PCOLCE2: variants seen among roughly 807,000 people sequenced by gnomAD.
PCOLCE2 encodes procollagen C-endopeptidase enhancer 2.
Under a neutral mutation model 47.0 loss-of-function variants are expected in PCOLCE2, and 42 were observed. That is an observed-to-expected ratio of 0.89 (90% CI 0.70 to 1.16). The LOEUF (loss-of-function observed/expected upper bound fraction) is 1.16. Among genes scored for constraint, PCOLCE2 ranks in the 50% most tolerant of loss-of-function variants. The pLI is 0.00. For missense variants in PCOLCE2, 500 were observed against 526.1 expected, an observed-to-expected ratio of 0.95 and a Z score of 0.49; for synonymous variants, 169 against 191.7, an observed-to-expected ratio of 0.88 and a Z score of 0.98.
intron 2 of PCOLCE2, among the ~76,000 whole-genome samples, chr3:142,884,033 A>G (rs1933677369): frequency 6.6e-6 from 1 of 152,132 alleles, no homozygotes; most frequent in Middle Eastern, 3.2e-3. Flanking sequence ...ACCATGCTTC[A>G]TGGGCTCTTC....
rs1937006357 is a variant in PCOLCE2, at chr3:142,820,968, T to C, written c.1027A>G (p.Lys343Glu). 2 of 1,613,942 alleles carry C rather than the reference T, an allele frequency of 1.2e-6. No individual in the cohort carries two copies. Among genetic ancestry groups the C allele is most frequent in the African/African-American group, 1.3e-5 (1 of 74,898 alleles). The change falls in exon 8 of 9, where the codon AAA becomes GAA. Residue 343 changes from lysine (K) to glutamate (E), a missense_variant. By Grantham distance (56) the Lys-to-Glu change is moderately conservative. Transcript: ENST00000295992. ...TGCTGAATCGCCAAATTTCCCTCTT[T>C]GTAGATGTTGATGATCGAGACTGTG... Reference protein sequence around the residue: ...HATVSIINIYKEGNLAIQQAG... With the variant: ...HATVSIINIYEEGNLAIQQAG...
Position 142,881,990 on chromosome 3 carries a change from G to C in PCOLCE2, c.192+5679C>G, listed in dbSNP as rs971192039. Among the ~76,000 whole-genome samples, 3 of 152,028 alleles carry C rather than the reference G, an allele frequency of 2.0e-5. No individual in the cohort carries two copies. In the East Asian group the frequency reaches 5.8e-4, roughly 29 times the overall value. ...ACATTCTCCTCCCATTTCTGTCAAA[G>C]GTCTGTGACTCTCTGGCCCTCCCAC... On this transcript the variant is annotated intron_variant, in intron 2 of 8. Transcript: ENST00000295992.
chr3:142,862,788 TG>T, intron 2 of PCOLCE2, among the ~76,000 whole-genome samples: 1 of 152,278 alleles, frequency 6.6e-6, no homozygotes, highest in East Asian at 1.9e-4. Context: ...CCATCTGTAA[TG>T]GCTTTATACT....
rs779167911 is a variant in PCOLCE2, at chr3:142,829,649, A to C, written c.865+43T>G. On this transcript the variant is annotated intron_variant, in intron 6 of 8. Transcript: ENST00000295992. ...TCTACTTTAAAAGAATTCTTCTTAT[A>C]CTCCTAAAGTTTTTGCACAAACTTC... is the stretch of plus-strand genomic sequence containing the variant. The C allele has an allele frequency of 1.2e-5, 18 of 1,445,974 alleles. 1 individual carries two copies. The South Asian group carries it at 2.5e-4, about 20-fold the overall frequency. The allele number at this position is 1,445,974 out of a possible 1,614,324, so 89.6% of individuals were successfully genotyped here. A position where few individuals can be genotyped will look rare whatever the true frequency, so the allele number is the denominator to read the frequency against.
At chr3:142,848,114 C>CT (rs1193090921) in intron 3 of PCOLCE2, 103 bp downstream of exon 3, 19 of 1,239,270 alleles carry the variant, frequency 1.5e-5, no homozygotes, top group Admixed American at 2.3e-5. Flanking sequence ...TTCACTAGCT[C>CT]TTTGAGAACC....
Position 142,857,573 on chromosome 3 carries a change from G to T in PCOLCE2, c.193-9101C>A, listed in dbSNP as rs1048489410. On this transcript the variant is annotated intron_variant, in intron 2 of 8. Transcript: ENST00000295992. ...AATGACTATAAAAAAGGGAAAAAAGGTAATATTTCTTTTAAAACAATGAAA... is the reference window on the plus strand; with the variant it reads ...AATGACTATAAAAAAGGGAAAAAAGTTAATATTTCTTTTAAAACAATGAAA... Among the ~76,000 whole-genome samples the T allele has an allele frequency of 3.3e-5, 5 of 152,100 alleles. No homozygotes were observed. In the East Asian group the frequency reaches 9.6e-4, roughly 29 times the overall value.
At chr3:142,883,549 G>A (rs1397322707) in intron 2 of PCOLCE2, among the ~76,000 whole-genome samples, 1 of 151,572 alleles carries the variant, frequency 6.6e-6, no homozygotes, top group African/African-American at 2.4e-5. Context: ...CCTCCGAGTA[G>A]CTGGGATTAC....
At chr3:142,861,452 T>C (rs1465400173) in intron 2 of PCOLCE2, among the ~76,000 whole-genome samples, 1 of 151,860 alleles carries the variant, frequency 6.6e-6, no homozygotes, top group Non-Finnish European at 1.5e-5. Context: ...CTACCTCTTA[T>C]TTTGTTCTAC....
At chr3:142,827,429 C>A in intron 6 of PCOLCE2, 1 of 1,563,862 alleles carries the variant, frequency 6.4e-7, no homozygotes, top group Non-Finnish European at 8.8e-7. Flanking sequence ...CAGCTTCACA[C>A]GGGTCTTCTT....
chr3:142,840,160 C>CTGA (rs1310849812), intron 4 of PCOLCE2, among the ~76,000 whole-genome samples: 1 of 152,152 alleles, frequency 6.6e-6, no homozygotes, highest in Non-Finnish European at 1.5e-5. Flanking sequence ...CGTGCACGGC[C>CTGA]TAATCAGGGT....
intron 2 of PCOLCE2, among the ~76,000 whole-genome samples, chr3:142,881,357 T>C (rs1193027757): frequency 6.6e-6 from 1 of 152,200 alleles, no homozygotes; most frequent in Non-Finnish European, 1.5e-5. Flanking sequence ...GAGAATCAGA[T>C]GCAAATAAAA....
rs750070941 is a variant in PCOLCE2, at chr3:142,827,654, C to T, written c.865+2038G>A. The T allele has an allele frequency of 4.9e-5, 71 of 1,451,588 alleles. No homozygotes were observed. The Middle Eastern group carries it at 7.3e-4, about 15-fold the overall frequency. The allele number at this position is 1,451,588 out of a possible 1,614,324, so 89.9% of individuals were successfully genotyped here. On this transcript the variant is annotated intron_variant, in intron 6 of 8. Coordinates refer to ENST00000295992, the MANE Select transcript of PCOLCE2 (RefSeq NM_013363.4). ...CTCGGCAGCAATGAAAAGCTCCGTC[C>T]GCTTCTTAAACCAGTACGGGTCGCG...
At chr3:142,825,478 C>T (rs554218280) in intron 6 of PCOLCE2, among the ~76,000 whole-genome samples, 1 of 152,150 alleles carries the variant, frequency 6.6e-6, no homozygotes, top group Non-Finnish European at 1.5e-5. Flanking sequence ...CCGCAGTCCC[C>T]GTGGCCTCAT....
At chr3:142,862,690 A>C (rs1157241181) in intron 2 of PCOLCE2, among the ~76,000 whole-genome samples, 1 of 152,188 alleles carries the variant, frequency 6.6e-6, no homozygotes, top group African/African-American at 2.4e-5. Context: ...ATAATGTATA[A>C]GAGTATATTT....
intron 7 of PCOLCE2, among the ~76,000 whole-genome samples, chr3:142,821,481 C>T (rs940221772): frequency 6.6e-6 from 1 of 152,022 alleles, no homozygotes; most frequent in Non-Finnish European, 1.5e-5. Context: ...GTCTTTGTGT[C>T]GGTGTGGGTG....
intron 2 of PCOLCE2, among the ~76,000 whole-genome samples, chr3:142,883,073 G>A (rs562383139): frequency 1.5e-4 from 22 of 151,694 alleles, no homozygotes; most frequent in Admixed American, 1.2e-3. Context: ...AGTGGTGGGC[G>A]CCTGTAGTCC....
chr3:142,887,845 A>C (rs1241554779), intron 1 of PCOLCE2, 68 bp from the exon 2 acceptor site: 7 of 830,686 alleles, frequency 8.4e-6, no homozygotes, highest in Non-Finnish European at 1.5e-5. Context: ...TGTTACCTTC[A>C]GAAAGGTGTA....
chr3:142,867,201 G>T (rs1407683255), intron 2 of PCOLCE2, among the ~76,000 whole-genome samples: 1 of 152,062 alleles, frequency 6.6e-6, no homozygotes, highest in Non-Finnish European at 1.5e-5. Flanking sequence ...TCTGTAGAGG[G>T]AGCTGTTCTC....
At chr3:142,822,359 C>T (rs939027168) in intron 7 of PCOLCE2, among the ~76,000 whole-genome samples, 2 of 152,060 alleles carry the variant, frequency 1.3e-5, no homozygotes, top group African/African-American at 4.8e-5. Context: ...GAACCAGTGA[C>T]TGATGATAGT....
Sources: gnomAD v4.1 joint callset for allele counts (sites outside exome capture counted in the v4.1 genomes callset) on GRCh38, gnomAD v4.1.1 for gene constraint, MANE v1.5 for transcripts, NCBI Gene and HGNC (gene_info 2026-07-23, HGNC 2026-07-21) for gene names.